ATPSCKMT: variants seen among roughly 807,000 people sequenced by gnomAD.
ATPSCKMT encodes the protein ATP synthase c subunit lysine N-methyltransferase, also known as ATP synthase subunit C lysine N-methyltransferase.
A neutral mutation model predicts 24.3 loss-of-function variants in ATPSCKMT; 24 were observed. The ratio of observed to expected loss-of-function variants is 0.99; its 90% CI spans 0.71 to 1.39. The LOEUF is 1.39. Among genes scored for constraint, ATPSCKMT ranks in the 40% most tolerant of loss-of-function variants. The pLI is 0.00. For missense variants in ATPSCKMT, 311 were observed against 298.4 expected, an observed-to-expected ratio of 1.04 and a Z score of -0.31; for synonymous variants, 95 against 110.5, an observed-to-expected ratio of 0.86 and a Z score of 0.88.
chr5:10,243,794 T>C (rs1254404250), intron 1 of ATPSCKMT, among the ~76,000 whole-genome samples: 1 of 152,240 alleles, frequency 6.6e-6, no homozygotes, highest in Admixed American at 6.5e-5. Flanking sequence ...CACTCAAACT[T>C]GCTCCATACC....
chr5:10,239,429 A>T, intron 1 of ATPSCKMT, 73 bp from the exon 2 acceptor site: 1 of 1,331,310 alleles, frequency 7.5e-7, no homozygotes, highest in South Asian at 1.4e-5. Flanking sequence ...TTTTTCTACA[A>T]TTCTCATTGG....
rs780732272 is a variant in ATPSCKMT at position 10,227,405 on chromosome 5, G to A, written c.*36C>T. The A allele has an allele frequency of 7.5e-6, 12 of 1,601,648 alleles. No individual in the cohort carries two copies. Among genetic ancestry groups the A allele is most frequent in the Non-Finnish European group, 1.0e-5 (12 of 1,171,280 alleles). ...TGTAAGTCTCTACAAGATCAGGGAA[G>A]ACTACAATATTTCAGAAAAACACTC... On this transcript the variant is annotated 3_prime_UTR_variant, in exon 5 of 5. Transcript: ENST00000511437.
chr5:10,241,778 A>G (rs1043496811), intron 1 of ATPSCKMT, among the ~76,000 whole-genome samples: 4 of 152,234 alleles, frequency 2.6e-5, no homozygotes, highest in Non-Finnish European at 1.5e-5. Flanking sequence ...CCACTGCAAT[A>G]AAGTGAGTAT....
chr5:10,248,096 C>G (rs1347058051), intron 1 of ATPSCKMT, among the ~76,000 whole-genome samples: 2 of 152,208 alleles, frequency 1.3e-5, no homozygotes, highest in African/African-American at 4.8e-5. Flanking sequence ...TTAAAGCGGG[C>G]TTATATCAGA....
intron 1 of ATPSCKMT, among the ~76,000 whole-genome samples, chr5:10,248,808 C>T (rs1200006143): frequency 6.6e-6 from 1 of 152,156 alleles, no homozygotes; most frequent in Non-Finnish European, 1.5e-5. Flanking sequence ...TTAGTTAAGT[C>T]CCTGCCCATG....
intron 4 of ATPSCKMT, among the ~76,000 whole-genome samples, chr5:10,230,627 T>TA (rs1452805413): frequency 6.6e-6 from 1 of 152,206 alleles, no homozygotes; most frequent in African/African-American, 2.4e-5. Context: ...TTCATACAAT[T>TA]ATAGGTTTCA....
chr5:10,237,512 A>G (rs1208332112), intron 2 of ATPSCKMT, among the ~76,000 whole-genome samples: 1 of 152,156 alleles, frequency 6.6e-6, no homozygotes, highest in Non-Finnish European at 1.5e-5. Flanking sequence ...TTCTCATGAC[A>G]GTGAGTAAGT....
At chr5:10,229,235 A>T (rs1448812207) in intron 4 of ATPSCKMT, among the ~76,000 whole-genome samples, 1 of 152,196 alleles carries the variant, frequency 6.6e-6, no homozygotes, top group Non-Finnish European at 1.5e-5. Flanking sequence ...TTTTGCATTT[A>T]GCCATAACAT....
intron 4 of ATPSCKMT, among the ~76,000 whole-genome samples, chr5:10,228,823 T>C (rs1228806417): frequency 2.6e-5 from 4 of 151,810 alleles, no homozygotes; most frequent in African/African-American, 9.7e-5. Flanking sequence ...AGAGATGGGG[T>C]TTTACCATGT....
At chr5:10,228,269 T>A (rs1481747997) in intron 4 of ATPSCKMT, among the ~76,000 whole-genome samples, 1 of 152,202 alleles carries the variant, frequency 6.6e-6, no homozygotes, top group East Asian at 1.9e-4. Context: ...AATCAAGATC[T>A]ACAGTCAATG....
intron 4 of ATPSCKMT, among the ~76,000 whole-genome samples, chr5:10,229,951 A>G (rs1744047778): frequency 6.6e-6 from 1 of 152,216 alleles, no homozygotes. Context: ...TGGCTTTTGT[A>G]TCTTCCCTTC....
chr5:10,227,857 A>T (rs1387379140), intron 4 of ATPSCKMT, among the ~76,000 whole-genome samples: 2 of 152,252 alleles, frequency 1.3e-5, no homozygotes, highest in East Asian at 3.8e-4. Context: ...TCTAGTATTA[A>T]TTATAAAATA....
rs1744374764 is a variant in ATPSCKMT at position 10,236,486 on chromosome 5, A to C, written c.436T>G (p.Leu146Val). The C allele has an allele frequency of 6.2e-7, 1 of 1,614,100 alleles. No individual in the cohort carries two copies. The highest frequency in any genetic ancestry group is 2.2e-5 in the East Asian group (1 of 44,888). The change falls in exon 3 of 5, where the codon TTG becomes GTG. Residue 146 changes from leucine to valine, a missense_variant. Coordinates refer to ENST00000511437, the MANE Select transcript of ATPSCKMT (RefSeq NM_199133.4). ...HGSAKFYISD[L>V]WKVTFSQYSN... The stretch of plus-strand genomic sequence containing the variant: ...TTCTCTGCCTTACATACCTTCCACA[A>C]ATCTGAAATATAAAATTTGGCAGAT...
rs1420127238 is a variant in ATPSCKMT at position 10,249,728 on chromosome 5, T to G, written c.16+130A>C. The G allele has an allele frequency of 2.2e-6, 3 of 1,387,470 alleles. 1 individual carries two copies. The highest frequency in any genetic ancestry group is 2.5e-5 in the Admixed American group (1 of 39,326). 85.9% of individuals were successfully genotyped at this position (1,387,470 alleles called of 1,614,324 possible). A position where few individuals can be genotyped will look rare whatever the true frequency, so the allele number is the denominator to read the frequency against. On this transcript the variant is annotated intron_variant, in intron 1 of 4. Coordinates refer to ENST00000511437, the MANE Select transcript of ATPSCKMT (RefSeq NM_199133.4). ...GAGCTCTGGTCACCGAAGGCCAGGC[T>G]GGAGGCCAGAGCAGCCGCCCGCACC...
At chr5:10,241,997 A>G (rs1321578256) in intron 1 of ATPSCKMT, among the ~76,000 whole-genome samples, 1 of 152,246 alleles carries the variant, frequency 6.6e-6, no homozygotes, top group Non-Finnish European at 1.5e-5. Flanking sequence ...GTTTATTGCT[A>G]AGAAATGCTA....
In ATPSCKMT at chr5:10,246,361, G is replaced by T. The variant is rs542022793; in HGVS notation, c.16+3497C>A. 3.3e-5 allele frequency among the ~76,000 whole-genome samples: 5 copies of T among 152,042 alleles called. No individual in the cohort carries two copies. In the South Asian group the frequency reaches 1.0e-3, roughly 32 times the overall value. On this transcript the variant is annotated intron_variant, in intron 1 of 4. Coordinates refer to ENST00000511437, the MANE Select transcript of ATPSCKMT (RefSeq NM_199133.4). ...GGGGCAAGAGAATCACCTGAACCGG[G>T]GAGGCAGAGGTTACAGTGAGCCAAG...
At position 10,243,534 on chromosome 5, in the gene ATPSCKMT, G is replaced by C. The variant is rs149669701; in HGVS notation, c.17-4178C>G. ...GCAGCAACCCTCATCAACAATCTTA[G>C]CTAGATCTTCTAGATAACTTGCTGC... is the stretch of plus-strand genomic sequence containing the variant. On this transcript the variant is annotated intron_variant, in intron 1 of 4. Transcript: ENST00000511437. Among the ~76,000 whole-genome samples, 15 of 152,000 alleles carry C rather than the reference G, an allele frequency of 9.9e-5. No individual in the cohort carries two copies. The East Asian group carries it at 2.9e-3, about 29-fold the overall frequency.
intron 1 of ATPSCKMT, among the ~76,000 whole-genome samples, chr5:10,246,827 AG>A (rs1242328881): frequency 6.6e-6 from 1 of 152,228 alleles, no homozygotes; most frequent in Non-Finnish European, 1.5e-5. Flanking sequence ...AGGCAGACAC[AG>A]GGCTGGTTGT....
intron 4 of ATPSCKMT, among the ~76,000 whole-genome samples, chr5:10,232,076 G>A (rs1323874515): frequency 2.6e-5 from 4 of 152,068 alleles, no homozygotes; most frequent in East Asian, 1.9e-4. Flanking sequence ...GGTGGCACAC[G>A]CCTGTATTCC....
Sources: gnomAD v4.1 joint callset for allele counts (sites outside exome capture counted in the v4.1 genomes callset) on GRCh38, gnomAD v4.1.1 for gene constraint, MANE v1.5 for transcripts, NCBI Gene and HGNC (gene_info 2026-07-23, HGNC 2026-07-21) for gene names.